ARPIN: variants seen among roughly 807,000 people sequenced by gnomAD.
ARPIN encodes UPF0552 protein C15orf38.
Under a neutral mutation model 25.9 loss-of-function variants are expected in ARPIN, and 23 were observed. That is an observed-to-expected ratio of 0.89 (90% CI 0.64 to 1.26). The LOEUF is 1.26. ARPIN is among the 50% of genes most tolerant of loss of function. The pLI is 0.00. For synonymous variants in ARPIN, 126 were observed against 131.4 expected, an observed-to-expected ratio of 0.96 and a Z score of 0.28; for missense variants, 333 against 312.2, an observed-to-expected ratio of 1.07 and a Z score of -0.50.
intron 1 of ARPIN, 81 bp downstream of exon 1, chr15:89,912,663 T>TGGGCCCCCC: frequency 1.1e-6 from 1 of 871,110 alleles, no homozygotes; most frequent in Non-Finnish European, 1.4e-6. Context: ...CCCACCCGCA[T>TGGGCCCCCC]CCCACCCCCC....
At position 89,907,217 on chromosome 15, in the gene ARPIN, G is replaced by A. The variant is rs1009789524; in HGVS notation, c.301+1063C>T. On this transcript the variant is annotated intron_variant, in intron 3 of 5. Transcript: ENST00000357484. Reference sequence around the variant, plus strand: ...CAGATAGCTGGTATTACAGGTGCACGCCACCATGCCCAGCTAATTTTTGTA... The same window carrying A: ...CAGATAGCTGGTATTACAGGTGCACACCACCATGCCCAGCTAATTTTTGTA... 4.0e-5 allele frequency among the ~76,000 whole-genome samples: 6 copies of A among 151,612 alleles called. No individual in the cohort carries two copies. The East Asian group carries it at 5.9e-4, about 15-fold the overall frequency.
At chr15:89,909,785 G>A (rs970055059) in intron 2 of ARPIN, among the ~76,000 whole-genome samples, 1 of 152,212 alleles carries the variant, frequency 6.6e-6, no homozygotes, top group South Asian at 2.1e-4. Flanking sequence ...AAGGGAGGGG[G>A]AGGAATGGGC....
chr15:89,902,904 A>T (rs1423544307), intron 5 of ARPIN: 1 of 1,294,342 alleles, frequency 7.7e-7, no homozygotes, highest in South Asian at 1.6e-5. Context: ...TAATGTATTC[A>T]CTTGAAGTAG....
chr15:89,900,244 C>T lies in ARPIN; in HGVS notation c.*1551G>A, dbSNP rs566850369. ...CATCCTCTGGCCCCTGTTTCCAAGA[C>T]CTTTCTGAAGGGCAAGGAAGCAGGG... On this transcript the variant is annotated 3_prime_UTR_variant, in exon 6 of 6. Transcript: ENST00000357484. 3.3e-5 allele frequency: 5 copies of T among 152,210 alleles called. No homozygotes were observed. The highest frequency in any genetic ancestry group is 4.1e-4 in the South Asian group (2 of 4,834). The allele number at this position is 152,210 out of a possible 1,614,324, so 9.4% of individuals were successfully genotyped here. A position where few individuals can be genotyped will look rare whatever the true frequency, so the allele number is the denominator to read the frequency against.
chr15:89,908,428 CAG>C lies in ARPIN; in HGVS notation c.169-18_169-17del, dbSNP rs779929607. 2.5e-6 allele frequency: 4 copies of C among 1,612,952 alleles called. No homozygotes were observed. Among genetic ancestry groups the C allele is most frequent in the South Asian group, 2.2e-5 (2 of 91,056 alleles). On this transcript the variant is annotated splice_polypyrimidine_tract_variant and intron_variant, in intron 2 of 5. Coordinates refer to ENST00000357484, the MANE Select transcript of ARPIN (RefSeq NM_182616.4). ...AGTAGCGCTCCTGGGGCCAGGCAGA[CAG>C]AGAGTGAGGGGGCGGCTTCATCCCA... is the stretch of plus-strand genomic sequence containing the variant.
At chr15:89,901,932 T>A in intron 5 of ARPIN, 129 bp from the exon 6 acceptor site, 1 of 1,040,460 alleles carries the variant, frequency 9.6e-7, no homozygotes, top group Admixed American at 2.1e-5. Context: ...CCTGGGCGCC[T>A]CATTAGAGCT....
intron 3 of ARPIN, among the ~76,000 whole-genome samples, chr15:89,907,563 G>A (rs1461454730): frequency 3.3e-5 from 5 of 152,122 alleles, no homozygotes; most frequent in Admixed American, 6.6e-5. Flanking sequence ...TCTCTGAAGC[G>A]CAAAGCAAGC....
At chr15:89,906,560 T>C (rs1264993290) in intron 3 of ARPIN, among the ~76,000 whole-genome samples, 2 of 152,150 alleles carry the variant, frequency 1.3e-5, no homozygotes, top group Non-Finnish European at 2.9e-5. Context: ...TCTCCTCTAC[T>C]GGACTAAGAA....
intron 5 of ARPIN, chr15:89,902,862 C>T (rs999667787): frequency 2.1e-4 from 248 of 1,191,948 alleles, no homozygotes; most frequent in Middle Eastern, 3.6e-4. Context: ...GGAAAAACTA[C>T]GCATTCAGTT....
chr15:89,909,313 G>A, intron 2 of ARPIN, among the ~76,000 whole-genome samples: 1 of 151,886 alleles, frequency 6.6e-6, no homozygotes, highest in East Asian at 1.9e-4. Flanking sequence ...AGGGCCTGAA[G>A]AATAGGAGGC....
intron 2 of ARPIN, among the ~76,000 whole-genome samples, chr15:89,908,920 T>C (rs1449430655): frequency 6.6e-6 from 1 of 151,890 alleles, no homozygotes; most frequent in African/African-American, 2.4e-5. Context: ...GAGGCGGAGG[T>C]TGCTGTAAGC....
intron 5 of ARPIN, among the ~76,000 whole-genome samples, chr15:89,902,185 G>A (rs1016423177): frequency 2.0e-5 from 3 of 152,164 alleles, no homozygotes; most frequent in Non-Finnish European, 4.4e-5. Flanking sequence ...GAGGCAGGTG[G>A]ATCACCCGAG....
intron 4 of ARPIN, 37 bp downstream of exon 4, chr15:89,903,740 A>G (rs376615644): frequency 6.2e-7 from 1 of 1,610,694 alleles, no homozygotes; most frequent in Non-Finnish European, 8.5e-7. Flanking sequence ...TGGGCCACAC[A>G]GGAACAGTGG....
At chr15:89,910,233 A>G (rs748487032) in intron 2 of ARPIN, among the ~76,000 whole-genome samples, 1 of 152,186 alleles carries the variant, frequency 6.6e-6, no homozygotes, top group Non-Finnish European at 1.5e-5. Context: ...TAAGGTGGTC[A>G]GCACATCTAG....
At chr15:89,905,154 T>G (rs1197223845) in intron 3 of ARPIN, among the ~76,000 whole-genome samples, 1 of 152,052 alleles carries the variant, frequency 6.6e-6, no homozygotes, top group Non-Finnish European at 1.5e-5. Context: ...TCCGAGTAGA[T>G]GGGATTACAG....
At chr15:89,910,858 C>T (rs376174192) in intron 1 of ARPIN, 39 bp from the exon 2 acceptor site, 1 of 1,610,436 alleles carries the variant, frequency 6.2e-7, no homozygotes, top group Non-Finnish European at 8.5e-7. Context: ...CCAGTTTTGT[C>T]AGTCCTCAGC....
chr15:89,901,929 G>T (rs771357743), intron 5 of ARPIN, 126 bp from the exon 6 acceptor site: 3 of 1,116,528 alleles, frequency 2.7e-6, no homozygotes, highest in Non-Finnish European at 2.6e-6. Context: ...TTGCCTGGGC[G>T]CCTCATTAGA....
chr15:89,912,156 G>T (rs571619759), intron 1 of ARPIN: 3 of 966,280 alleles, frequency 3.1e-6, no homozygotes, highest in Non-Finnish European at 3.7e-6. Context: ...GCTTTTATAG[G>T]TTCCATATAC....
At chr15:89,905,209 A>G (rs900228707) in intron 3 of ARPIN, among the ~76,000 whole-genome samples, 2 of 151,890 alleles carry the variant, frequency 1.3e-5, no homozygotes, top group Non-Finnish European at 2.9e-5. Flanking sequence ...TTTGTTAGAA[A>G]CGGGGTTTCA....
Sources: gnomAD v4.1 joint callset for allele counts (sites outside exome capture counted in the v4.1 genomes callset) on GRCh38, gnomAD v4.1.1 for gene constraint, MANE v1.5 for transcripts, NCBI Gene and HGNC (gene_info 2026-07-23, HGNC 2026-07-21) for gene names.